The following PDE9A variants were observed in gnomAD, a reference collection of about 807,000 sequenced individuals.
PDE9A encodes high affinity cGMP-specific 3',5'-cyclic phosphodiesterase 9A.
PDE9A carries 60 observed loss-of-function variants against 87.4 expected under a neutral mutation model. That is an observed-to-expected ratio of 0.69 (90% CI 0.56 to 0.85). PDE9A has a LOEUF of 0.85. PDE9A is among the 40% of genes least tolerant of loss of function. The probability of loss-of-function intolerance (pLI) is 0.00; values close to 1 mark genes in which losing one functional copy is unlikely to be tolerated. For missense variants in PDE9A, 665 were observed against 779.0 expected, an observed-to-expected ratio of 0.85 and a Z score of 1.74; for synonymous variants, 272 against 279.4, an observed-to-expected ratio of 0.97 and a Z score of 0.27.
intron 4 of PDE9A, among the ~76,000 whole-genome samples, chr21:42,712,437 G>A (rs1356167496): frequency 6.6e-6 from 1 of 152,066 alleles, no homozygotes; most frequent in African/African-American, 2.4e-5. Flanking sequence ...TCCTATAATT[G>A]TCCACAGAGA....
intron 4 of PDE9A, among the ~76,000 whole-genome samples, chr21:42,706,961 T>A (rs1033867706): frequency 3.9e-5 from 6 of 152,210 alleles, no homozygotes; most frequent in Non-Finnish European, 8.8e-5. Context: ...TGACGTTCCG[T>A]TGCGTGGCTG....
At chr21:42,773,641 A>AAAAT (rs1171113306) in intron 19 of PDE9A, among the ~76,000 whole-genome samples, 4 of 151,456 alleles carry the variant, frequency 2.6e-5, no homozygotes, top group South Asian at 2.1e-4. Context: ...CTCTACTTTA[A>AAAAT]ACACAAAAAA....
At chr21:42,693,709 C>G (rs2059996598) in intron 3 of PDE9A, among the ~76,000 whole-genome samples, 1 of 151,688 alleles carries the variant, frequency 6.6e-6, no homozygotes, top group South Asian at 2.1e-4. Flanking sequence ...TCTCCTGCCT[C>G]AGCCTCCCAA....
Position 42,675,201 on chromosome 21 carries a change from T to C in PDE9A, c.70-10991T>C, listed in dbSNP as rs1204161357. On this transcript the variant is annotated intron_variant, in intron 1 of 19. Transcript: ENST00000291539. The surrounding 1 kb of genome is among the most constrained non-coding windows in gnomAD (Gnocchi z 4.3). ...ATTACATCAGCAGCGGTTTCCAATATAGCATTAAATTGTCTTCAAAAACAT... is the reference window on the plus strand; with the variant it reads ...ATTACATCAGCAGCGGTTTCCAATACAGCATTAAATTGTCTTCAAAAACAT... 1.3e-5 allele frequency among the ~76,000 whole-genome samples: 2 copies of C among 152,238 alleles called. No homozygotes were observed. The highest frequency in any genetic ancestry group is 2.9e-5 in the Non-Finnish European group (2 of 68,048).
intron 8 of PDE9A, among the ~76,000 whole-genome samples, chr21:42,748,786 C>T (rs545639313): frequency 1.3e-5 from 2 of 152,190 alleles, no homozygotes; most frequent in Non-Finnish European, 2.9e-5. Context: ...AACCAGCGTA[C>T]AGCTCATAGA....
intron 1 of PDE9A, among the ~76,000 whole-genome samples, chr21:42,662,856 C>T (rs2057661166): frequency 6.9e-6 from 1 of 145,314 alleles, no homozygotes; most frequent in Non-Finnish European, 1.5e-5. Flanking sequence ...CACACATGCA[C>T]ATCACACACG....
At chr21:42,721,210 G>T (rs1212117312) in intron 4 of PDE9A, among the ~76,000 whole-genome samples, 1 of 152,154 alleles carries the variant, frequency 6.6e-6, no homozygotes, top group Non-Finnish European at 1.5e-5. Context: ...AGGGCAGGGG[G>T]AGAAATTGCA....
At position 42,770,704 on chromosome 21, in the gene PDE9A, T is replaced by G. The variant is rs1270132256; in HGVS notation, c.1592T>G (p.Leu531Arg). 3 of 1,612,274 alleles carry G rather than the reference T, an allele frequency of 1.9e-6. No homozygotes were observed. In the African/African-American group the frequency reaches 4.0e-5, roughly 22 times the overall value. The change falls in exon 18 of 20, where the codon CTC becomes CGC. Residue 531 changes from leucine to arginine, a missense_variant and splice_region_variant. Leu to Arg is a moderately radical substitution (Grantham distance 102). Coordinates refer to ENST00000291539, the MANE Select transcript of PDE9A (RefSeq NM_002606.3). ...LIPMFETVTK[L>R]FPMVEEIMLQ... ...AATAAATCCGTGTGTCTCTCCCAGC[T>G]CTTCCCCATGGTTGAGGAGATCATG...
At chr21:42,711,258 G>GTT (rs35475222) in intron 4 of PDE9A, among the ~76,000 whole-genome samples, 257 of 136,476 alleles carry the variant, frequency 1.9e-3, no homozygotes, top group East Asian at 0.011. Context: ...AATAAGTTTT[G>GTT]TTTTTTTTTT....
chr21:42,727,809 A>G (rs1181615305), intron 4 of PDE9A, among the ~76,000 whole-genome samples: 2 of 152,056 alleles, frequency 1.3e-5, no homozygotes, highest in African/African-American at 2.4e-5. Flanking sequence ...GGGGTTTTCT[A>G]TGTAGACAAC....
chr21:42,728,623 A>G (rs1226673938), intron 4 of PDE9A, among the ~76,000 whole-genome samples: 1 of 152,154 alleles, frequency 6.6e-6, no homozygotes, highest in African/African-American at 2.4e-5. Context: ...TTGTATCTAT[A>G]TTCATGAGGG....
At chr21:42,712,369 G>A (rs147972065) in intron 4 of PDE9A, among the ~76,000 whole-genome samples, 137 of 152,212 alleles carry the variant, frequency 9.0e-4, no homozygotes, top group African/African-American at 2.9e-3. Flanking sequence ...GGATGTTGGC[G>A]TTGGATCCTG....
rs966549346 is a variant in PDE9A, at chr21:42,751,330, C to T, written c.735+133C>T. 17 of 730,542 alleles carry T rather than the reference C, an allele frequency of 2.3e-5. 1 individual carries two copies. The highest frequency in any genetic ancestry group is 1.7e-4 in the East Asian group (7 of 40,678). The allele number at this position is 730,542 out of a possible 1,614,324, so 45.3% of individuals were successfully genotyped here. ...GCCCCTCCCAGCCCTGGGCCGCTGACGGTGCGGGTTACTTTAAGGCAAAGT... is the reference window on the plus strand; with the variant it reads ...GCCCCTCCCAGCCCTGGGCCGCTGATGGTGCGGGTTACTTTAAGGCAAAGT... On this transcript the variant is annotated intron_variant, in intron 9 of 19. Transcript: ENST00000291539.
chr21:42,699,566 TTA>T (rs2048220069), intron 4 of PDE9A, among the ~76,000 whole-genome samples: 1 of 96,596 alleles, frequency 1.0e-5, no homozygotes. Flanking sequence ...TTTTTTTTTT[TTA>T]AAAAAAAACG....
intron 10 of PDE9A, among the ~76,000 whole-genome samples, chr21:42,755,321 T>C (rs2054914995): frequency 6.6e-6 from 1 of 152,188 alleles, no homozygotes; most frequent in Admixed American, 6.5e-5. Context: ...TAAGTGAACC[T>C]CTTTTCATGT....
chr21:42,697,354 T>G (rs2060197449), intron 3 of PDE9A: 2 of 997,920 alleles, frequency 2.0e-6, no homozygotes, highest in South Asian at 1.3e-5. Context: ...TGCCCCCAGT[T>G]AATCACCATG....
At chr21:42,713,581 A>C (rs1443106863) in intron 4 of PDE9A, among the ~76,000 whole-genome samples, 1 of 152,258 alleles carries the variant, frequency 6.6e-6, no homozygotes, top group Admixed American at 6.5e-5. Flanking sequence ...CTCATAAAAC[A>C]CATTGGGAAG....
intron 4 of PDE9A, among the ~76,000 whole-genome samples, chr21:42,717,922 T>G (rs943655519): frequency 1.8e-5 from 2 of 111,896 alleles, no homozygotes; most frequent in Non-Finnish European, 1.8e-5. Context: ...TGTTTGTTTG[T>G]TTTGTTTTGT....
In PDE9A at chr21:42,659,349, C is replaced by T. The variant is rs548281199; in HGVS notation, c.69+5466C>T. ...AACCAATGCCGCCCAATCTGGGAATCCAGGAGGGCTGGTCCCATAGAGTGG... is the reference window on the plus strand; with the variant it reads ...AACCAATGCCGCCCAATCTGGGAATTCAGGAGGGCTGGTCCCATAGAGTGG... On this transcript the variant is annotated intron_variant, in intron 1 of 19. Transcript: ENST00000291539. This position sits in a 1 kb window ranked among gnomAD's most constrained non-coding sequence, Gnocchi z 4.1. 2.0e-5 allele frequency among the ~76,000 whole-genome samples: 3 copies of T among 152,216 alleles called. No homozygotes were observed. The highest frequency in any genetic ancestry group is 4.4e-5 in the Non-Finnish European group (3 of 68,036).
Sources: allele counts gnomAD v4.1 joint callset (sites outside exome capture counted in the v4.1 genomes callset), GRCh38; gene constraint gnomAD v4.1.1; non-coding constraint Gnocchi (gnomAD v3.1); transcripts MANE v1.5; gene names NCBI Gene and HGNC (gene_info 2026-07-23, HGNC 2026-07-21).